The following LDB3 variants were observed in gnomAD, a reference collection of about 807,000 sequenced individuals.
LDB3 encodes the protein LIM domain binding 3, also known as LIM domain-binding protein 3.
A neutral mutation model predicts 69.0 loss-of-function variants in LDB3; 49 were observed. That is an observed-to-expected ratio of 0.71 (90% CI 0.56 to 0.90). The LOEUF is 0.90. Ranked by LOEUF, LDB3 falls within the 40% of genes least tolerant of loss-of-function variation. LDB3 has a pLI of 0.00. For synonymous variants in LDB3, 387 were observed against 396.2 expected (o/e 0.98, Z 0.28); for missense variants, 928 against 974.1 (o/e 0.95, Z 0.63).
chr10:86,682,421 CAGG>C lies in LDB3; in HGVS notation c.689+621_689+623del, dbSNP rs558439996. Among the ~76,000 whole-genome samples, 91 of 152,176 alleles carry C rather than the reference CAGG, an allele frequency of 6.0e-4. 1 individual carries two copies. The South Asian group carries it at 0.018, about 30-fold the overall frequency. On this transcript the variant is annotated intron_variant, in intron 5 of 13. Transcript: ENST00000361373. ...GGACCCCAAGGAGAAAGGGGCTGTG[CAGG>C]AGAACAGCAGCCTCACCCCTAAGGT...
At chr10:86,683,896 G>A (rs1234064140) in intron 5 of LDB3, among the ~76,000 whole-genome samples, 2 of 152,190 alleles carry the variant, frequency 1.3e-5, no homozygotes, top group Admixed American at 6.5e-5. Context: ...ACCCACCTGC[G>A]GGGTAGGCAC....
Position 86,733,374 on chromosome 10 carries a change from CT to C in LDB3, c.*399del, listed in dbSNP as rs1176633483. ...TTCTGCGGAGTTCTTAAGCGCTCCC[CT>C]GGCAAACAAATTGAAGTGCCAAACA... On this transcript the variant is annotated 3_prime_UTR_variant, in exon 14 of 14. Coordinates refer to ENST00000361373, the MANE Select transcript of LDB3 (RefSeq NM_007078.3). 3 of 252,626 alleles carry C rather than the reference CT, an allele frequency of 1.2e-5. No homozygotes were observed. The highest frequency in any genetic ancestry group is 6.8e-5 in the African/African-American group (3 of 43,940). 15.6% of individuals were successfully genotyped at this position (252,626 alleles called of 1,614,324 possible).
chr10:86,686,965 G>A (rs555495160), intron 5 of LDB3: 23 of 1,029,324 alleles, frequency 2.2e-5, no homozygotes, highest in East Asian at 2.1e-4. Context: ...GATCTCTCTC[G>A]ACACCCACCG....
rs1232803831 is a variant in LDB3 at position 86,673,064 on chromosome 10, C to T, written c.93+4280C>T. Among the ~76,000 whole-genome samples the T allele has an allele frequency of 2.0e-5, 3 of 152,274 alleles. No individual in the cohort carries two copies. In the East Asian group the frequency reaches 5.8e-4, roughly 29 times the overall value. On this transcript the variant is annotated intron_variant, in intron 2 of 13. Transcript: ENST00000361373. ...CACTGAGCCCTCCCACCCCCAAACACAGCTTTGGCACCCCTTTGGGACCAG... is the reference window on the plus strand; with the variant it reads ...CACTGAGCCCTCCCACCCCCAAACATAGCTTTGGCACCCCTTTGGGACCAG...
At chr10:86,729,985 A>G (rs896302896) in intron 13 of LDB3, among the ~76,000 whole-genome samples, 6 of 152,078 alleles carry the variant, frequency 3.9e-5, no homozygotes, top group Non-Finnish European at 8.8e-5. Context: ...ATCTTTTTGC[A>G]TAGTCTTTAA....
At chr10:86,695,232 C>T (rs1845946700) in intron 7 of LDB3, among the ~76,000 whole-genome samples, 1 of 152,188 alleles carries the variant, frequency 6.6e-6, no homozygotes, top group Non-Finnish European at 1.5e-5. Flanking sequence ...GGCTCTGGGA[C>T]CTCGAGGTCA....
rs1291793145 is a variant in LDB3 at position 86,692,121 on chromosome 10, G to C, written c.859+56G>C. On this transcript the variant is annotated intron_variant, in intron 6 of 13. Coordinates refer to ENST00000361373, the MANE Select transcript of LDB3 (RefSeq NM_007078.3). ...GGAGGGAGATGCTGAGGGGCCACCA[G>C]GGACCTGGGCCCAGCACTGCAGAAG... 4 of 1,597,106 alleles carry C rather than the reference G, an allele frequency of 2.5e-6. No individual in the cohort carries two copies. The African/African-American group carries it at 5.4e-5, about 21-fold the overall frequency.
chr10:86,718,835 T>C lies in LDB3; in HGVS notation c.1966T>C (p.Tyr656His). 1 of 1,614,100 alleles carries C rather than the reference T, an allele frequency of 6.2e-7. No homozygotes were observed. Among genetic ancestry groups the C allele is most frequent in the Non-Finnish European group, 8.5e-7 (1 of 1,180,016 alleles). The part of the protein sequence containing the change: ...SLFHMEDGEP[Y>H]CEKDYINLFS... ...CTTCCACATGGAAGACGGGGAGCCC[T>C]ACTGCGAGAAAGGTAGGAACACTTC... The change falls in exon 12 of 14, where the codon TAC becomes CAC. Residue 656 changes from tyrosine (Y) to histidine (H), a missense_variant. Coordinates refer to ENST00000361373, the MANE Select transcript of LDB3 (RefSeq NM_007078.3).
At chr10:86,717,910 C>A in intron 10 of LDB3, 54 bp from the exon 11 acceptor site, 1 of 1,556,052 alleles carries the variant, frequency 6.4e-7, no homozygotes, top group Non-Finnish European at 8.8e-7. Context: ...CTTCAAATAT[C>A]TAATTCCAAG....
intron 5 of LDB3, chr10:86,685,752 G>C: frequency 6.3e-7 from 1 of 1,595,794 alleles, no homozygotes. Context: ...GCCCCAGCAT[G>C]TGTCTGCGTG....
chr10:86,715,712 C>G (rs572345820), intron 9 of LDB3, among the ~76,000 whole-genome samples: 1 of 152,240 alleles, frequency 6.6e-6, no homozygotes, highest in East Asian at 1.9e-4. Context: ...CTGAATGACT[C>G]CTTCAAGATC....
rs34218952 is a variant in LDB3 at position 86,734,607 on chromosome 10, T to C, written c.*1631T>C. On this transcript the variant is annotated 3_prime_UTR_variant, in exon 14 of 14. Transcript: ENST00000361373. Reference sequence around the variant, plus strand: ...TCTAAGGACTGAGACTTCCAGGGGATTGCCATCTTACCTGTCTCTTCTCCA... The same window carrying C: ...TCTAAGGACTGAGACTTCCAGGGGACTGCCATCTTACCTGTCTCTTCTCCA... The C allele has an allele frequency of 0.23, 35,388 of 152,192 alleles. 4,887 individuals are homozygous for C. The highest frequency in any genetic ancestry group is 0.58 in the East Asian group (2,977 of 5,168). The allele number at this position is 152,192 out of a possible 1,614,324, so 9.4% of individuals were successfully genotyped here.
Position 86,699,389 on chromosome 10 carries a change from T to TC in LDB3, c.896+6824dup. On this transcript the variant is annotated intron_variant, in intron 7 of 13. Transcript: ENST00000361373. The surrounding 1 kb of genome is among the most constrained non-coding windows in gnomAD (Gnocchi z 4.9). ...TTAAAAGCTAAAAGGCTGCCTGGAA[T>TC]CCCCCCACCCCAACAGGCTGGACTC... is the stretch of plus-strand genomic sequence containing the variant. The TC allele has an allele frequency of 6.2e-7, 1 of 1,613,130 alleles. No individual in the cohort carries two copies. Among genetic ancestry groups the TC allele is most frequent in the Non-Finnish European group, 8.5e-7 (1 of 1,179,714 alleles).
At position 86,685,560 on chromosome 10, in the gene LDB3, C is replaced by T. The variant is rs537001687; in HGVS notation, c.689+3757C>T. Reference sequence around the variant, plus strand: ...CACTCCTTGCTCTCCTCACCCATTGCGGTTTGGGCTGGTTCTGCCTCCACA... The same window carrying T: ...CACTCCTTGCTCTCCTCACCCATTGTGGTTTGGGCTGGTTCTGCCTCCACA... On this transcript the variant is annotated intron_variant, in intron 5 of 13. Coordinates refer to ENST00000361373, the MANE Select transcript of LDB3 (RefSeq NM_007078.3). 2.6e-4 allele frequency: 247 copies of T among 947,568 alleles called. No homozygotes were observed. In the African/African-American group the frequency reaches 2.8e-3, roughly 11 times the overall value. 58.7% of individuals were successfully genotyped at this position (947,568 alleles called of 1,614,324 possible). A position where few individuals can be genotyped will look rare whatever the true frequency, so the allele number is the denominator to read the frequency against.
chr10:86,671,745 G>A (rs984004770), intron 2 of LDB3, among the ~76,000 whole-genome samples: 1 of 152,218 alleles, frequency 6.6e-6, no homozygotes, highest in Non-Finnish European at 1.5e-5. Context: ...TGCTTTGTTA[G>A]GCTCTGCTGC....
chr10:86,692,057 C>A lies in LDB3; in HGVS notation c.851C>A (p.Thr284Lys), dbSNP rs1206911864. ...CGCATCCTGGCCCAGATGACGGGGA[C>A]AGAATTCAGTGAGTGCAGGCTCTCA... ...SFRILAQMTGTEFMQDPDEEA... is the reference protein window; with the variant it reads ...SFRILAQMTGKEFMQDPDEEA... The change falls in exon 6 of 14, where the codon ACA becomes AAA. Residue 284 changes from threonine to lysine, a missense_variant. Thr to Lys is a moderately conservative substitution (Grantham distance 78). Coordinates refer to ENST00000361373, the MANE Select transcript of LDB3 (RefSeq NM_007078.3). The A allele has an allele frequency of 6.2e-7, 1 of 1,613,930 alleles. No homozygotes were observed. Among genetic ancestry groups the A allele is most frequent in the Non-Finnish European group, 8.5e-7 (1 of 1,180,046 alleles).
chr10:86,696,379 C>A (rs967403042), intron 7 of LDB3, among the ~76,000 whole-genome samples: 1 of 152,242 alleles, frequency 6.6e-6, no homozygotes, highest in African/African-American at 2.4e-5. Flanking sequence ...AAAACCACAA[C>A]TGGAGCACCA....
intron 12 of LDB3, among the ~76,000 whole-genome samples, chr10:86,724,690 T>C (rs1048893244): frequency 4.6e-5 from 7 of 151,732 alleles, no homozygotes; most frequent in African/African-American, 1.7e-4. Context: ...CACAGAGATG[T>C]CATGAGGATT....
intron 12 of LDB3, among the ~76,000 whole-genome samples, chr10:86,722,510 T>C (rs1016884653): frequency 3.3e-5 from 5 of 150,600 alleles, no homozygotes; most frequent in Non-Finnish European, 7.4e-5. Context: ...TCCGCCCACC[T>C]TGGCCTCCCA....
Sources: gnomAD v4.1 joint callset for allele counts (sites outside exome capture counted in the v4.1 genomes callset) on GRCh38, gnomAD v4.1.1 for gene constraint, Gnocchi (gnomAD v3.1) non-coding constraint, MANE v1.5 for transcripts, NCBI Gene and HGNC (gene_info 2026-07-23, HGNC 2026-07-21) for gene names.